Variants in SCFD2 observed in about 807,000 individuals in gnomAD.
SCFD2 encodes the protein sec1 family domain containing 2.
SCFD2 carries 54 observed loss-of-function variants against 58.9 expected under a neutral mutation model. The observed-to-expected ratio is 0.92, with a 90% CI of 0.74 to 1.15. The LOEUF (loss-of-function observed/expected upper bound fraction) is 1.15, where lower values mean the gene tolerates loss of function less well. Among genes scored for constraint, SCFD2 ranks in the 50% most tolerant of loss-of-function variants. SCFD2 has a pLI of 0.00. For missense variants in SCFD2, 805 were observed against 836.6 expected, an observed-to-expected ratio of 0.96 and a Z score of 0.47; for synonymous variants, 321 against 335.9, an observed-to-expected ratio of 0.96 and a Z score of 0.49.
chr4:53,361,737 C>T (rs1208595156), intron 1 of SCFD2, among the ~76,000 whole-genome samples: 1 of 152,152 alleles, frequency 6.6e-6, no homozygotes, highest in Non-Finnish European at 1.5e-5. Context: ...TAGCTAATAT[C>T]ATTATTTTCT....
At chr4:52,900,869 G>A (rs555784180) in intron 7 of SCFD2, among the ~76,000 whole-genome samples, 63 of 152,274 alleles carry the variant, frequency 4.1e-4, no homozygotes, top group Admixed American at 9.2e-4. Context: ...CCTCGCTGCC[G>A]CCTTGCAGTT....
At chr4:53,223,457 T>C (rs186578499) in intron 4 of SCFD2, among the ~76,000 whole-genome samples, 12 of 152,326 alleles carry the variant, frequency 7.9e-5, no homozygotes, top group African/African-American at 2.6e-4. Flanking sequence ...CAGCCCTTTT[T>C]CCACAAACAC....
At chr4:52,921,589 C>T (rs545861214) in intron 5 of SCFD2, among the ~76,000 whole-genome samples, 14 of 152,246 alleles carry the variant, frequency 9.2e-5, no homozygotes, top group Admixed American at 2.6e-4. Context: ...TCACATCATC[C>T]GTATGAGGCA....
At chr4:53,281,747 T>C (rs1731516929) in intron 3 of SCFD2, among the ~76,000 whole-genome samples, 1 of 152,240 alleles carries the variant, frequency 6.6e-6, no homozygotes, top group Admixed American at 6.5e-5. Context: ...TGGTTATCTC[T>C]GGAACTTGCA....
intron 4 of SCFD2, among the ~76,000 whole-genome samples, chr4:53,161,580 G>GT (rs1184496599): frequency 1.4e-4 from 21 of 152,044 alleles, no homozygotes; most frequent in Non-Finnish European, 1.5e-5. Flanking sequence ...TTTTTGTAAC[G>GT]TTTTTTCCCA....
rs187712839 is a variant in SCFD2, at chr4:53,182,913, C to T, written c.1312-37331G>A. Among the ~76,000 whole-genome samples the T allele has an allele frequency of 2.0e-3, 309 of 152,214 alleles. 1 individual carries two copies. Among genetic ancestry groups the T allele is most frequent in the African/African-American group, 7.1e-3 (296 of 41,538 alleles). ...AAACACATGAAAAAATGCTCATCAC[C>T]ACTGGCCATCAGAGAATGCAAATCA... is the stretch of plus-strand genomic sequence containing the variant. On this transcript the variant is annotated intron_variant, in intron 4 of 8. Transcript: ENST00000401642.
At chr4:53,342,290 A>AAGGC (rs1297235654) in intron 2 of SCFD2, among the ~76,000 whole-genome samples, 363 of 152,300 alleles carry the variant, frequency 2.4e-3, no homozygotes, top group Non-Finnish European at 4.1e-3. Flanking sequence ...AAAACAAAAA[A>AAGGC]AAGGAGCAGT....
At chr4:53,237,047 G>T (rs995402780) in intron 4 of SCFD2, among the ~76,000 whole-genome samples, 1 of 148,946 alleles carries the variant, frequency 6.7e-6, no homozygotes, top group African/African-American at 2.5e-5. Context: ...GACTCTTAAC[G>T]AGCATGCTGC....
At chr4:52,993,716 G>C (rs932117407) in intron 5 of SCFD2, among the ~76,000 whole-genome samples, 1 of 152,218 alleles carries the variant, frequency 6.6e-6, no homozygotes, top group East Asian at 1.9e-4. Flanking sequence ...TCCACTCCAA[G>C]TTTCCAAACT....
intron 4 of SCFD2, among the ~76,000 whole-genome samples, chr4:53,254,425 T>C (rs1730519272): frequency 6.6e-6 from 1 of 152,180 alleles, no homozygotes; most frequent in African/African-American, 2.4e-5. Flanking sequence ...TGATTTTAAG[T>C]TGCCTGAGGC....
intron 2 of SCFD2, among the ~76,000 whole-genome samples, chr4:53,336,864 A>T (rs1733700696): frequency 6.6e-6 from 1 of 152,144 alleles, no homozygotes; most frequent in African/African-American, 2.4e-5. Flanking sequence ...TGGTTTCTCC[A>T]TACAATAAGC....
intron 4 of SCFD2, among the ~76,000 whole-genome samples, chr4:53,240,098 T>C (rs1187432275): frequency 2.0e-5 from 3 of 152,336 alleles, no homozygotes; most frequent in Non-Finnish European, 4.4e-5. Flanking sequence ...CTTTTTGTCA[T>C]ACTCAGGGCC....
rs6849924 is a variant in SCFD2, at chr4:53,139,139, G to A, written c.1561+6194C>T. On this transcript the variant is annotated intron_variant, in intron 5 of 8. Transcript: ENST00000401642. The stretch of plus-strand genomic sequence containing the variant: ...GCCAGCCTCGGCCTCCCGAGGTGCC[G>A]GGATTGCAGACGGAGTCTCGCTCAC... 3.9e-3 allele frequency among the ~76,000 whole-genome samples: 593 copies of A among 152,296 alleles called. 4 individuals carry two copies. The highest frequency in any genetic ancestry group is 0.013 in the African/African-American group (559 of 41,560).
At chr4:53,035,466 T>C (rs867072883) in intron 5 of SCFD2, among the ~76,000 whole-genome samples, 2 of 152,104 alleles carry the variant, frequency 1.3e-5, no homozygotes, top group Non-Finnish European at 1.5e-5. Flanking sequence ...AAAGCCAAAA[T>C]TGACAAATGG....
At chr4:53,286,493 C>T (rs1020265083) in intron 3 of SCFD2, among the ~76,000 whole-genome samples, 3 of 152,028 alleles carry the variant, frequency 2.0e-5, no homozygotes, top group East Asian at 1.9e-4. Flanking sequence ...AGAGCTGCAC[C>T]GTCTCCCAGT....
intron 5 of SCFD2, among the ~76,000 whole-genome samples, chr4:53,026,208 T>C (rs1277270237): frequency 6.6e-6 from 1 of 152,200 alleles, no homozygotes; most frequent in Non-Finnish European, 1.5e-5. Context: ...GGAAACTCGC[T>C]GCTTTCAGGA....
chr4:53,002,353 G>C (rs1721881214), intron 5 of SCFD2, among the ~76,000 whole-genome samples: 1 of 152,138 alleles, frequency 6.6e-6, no homozygotes, highest in Admixed American at 6.5e-5. Context: ...GACTTAGAAG[G>C]CCTGGAGAGG....
chr4:53,277,869 G>A (rs1370326368), intron 3 of SCFD2, among the ~76,000 whole-genome samples: 10 of 151,110 alleles, frequency 6.6e-5, no homozygotes, highest in African/African-American at 1.5e-4. Flanking sequence ...TGGCTAACAC[G>A]GTGAAACCCC....
At chr4:53,116,463 T>G (rs1291141568) in intron 5 of SCFD2, among the ~76,000 whole-genome samples, 1 of 152,138 alleles carries the variant, frequency 6.6e-6, no homozygotes, top group Non-Finnish European at 1.5e-5. Context: ...TGTCCACACT[T>G]TATTGGTAGA....
Sources: gnomAD v4.1 joint callset for allele counts (sites outside exome capture counted in the v4.1 genomes callset) on GRCh38, gnomAD v4.1.1 for gene constraint, MANE v1.5 for transcripts, NCBI Gene and HGNC (gene_info 2026-07-23, HGNC 2026-07-21) for gene names.